The following GBF1 variants were observed in gnomAD, a reference collection of about 807,000 sequenced individuals.
GBF1 encodes Golgi-specific brefeldin A-resistance guanine nucleotide exchange factor 1.
Under a neutral mutation model 210.5 loss-of-function variants are expected in GBF1, and 114 were observed. The observed-to-expected ratio is 0.54, with a 90% CI of 0.47 to 0.63. The LOEUF is 0.63. Ranked by LOEUF, GBF1 falls within the 30% of genes least tolerant of loss-of-function variation. GBF1 has a pLI of 0.00. For missense variants in GBF1, 1,851 were observed against 2,357.7 expected, an observed-to-expected ratio of 0.79 and a Z score of 4.45; for synonymous variants, 850 against 889.2, an observed-to-expected ratio of 0.96 and a Z score of 0.78.
At chr10:102,333,631 C>T (rs1050392398) in intron 3 of GBF1, among the ~76,000 whole-genome samples, 9 of 152,160 alleles carry the variant, frequency 5.9e-5, no homozygotes, top group South Asian at 2.1e-4. Flanking sequence ...CTCACTATGT[C>T]GCCCAGGCTG....
chr10:102,266,860 A>G (rs907391479), intron 3 of GBF1, among the ~76,000 whole-genome samples: 6 of 152,202 alleles, frequency 3.9e-5, no homozygotes, highest in Non-Finnish European at 7.4e-5. Context: ...TGCCAGGAGA[A>G]AGTGGATGTG....
chr10:102,300,658 T>A (rs1181851199), intron 3 of GBF1, among the ~76,000 whole-genome samples: 1 of 152,222 alleles, frequency 6.6e-6, no homozygotes, highest in Non-Finnish European at 1.5e-5. Flanking sequence ...GAAAGGGGAA[T>A]GTTTGTGGTT....
intron 8 of GBF1, among the ~76,000 whole-genome samples, chr10:102,354,351 G>A (rs537981358): frequency 2.6e-5 from 4 of 152,190 alleles, no homozygotes; most frequent in South Asian, 2.1e-4. Context: ...TAAATCGTGC[G>A]TTTGCCTGTC....
the GBF1 span, among the ~76,000 whole-genome samples, chr10:102,235,166 T>TCCCCCCCCCCCCCCCCC: frequency 1.2e-4 from 7 of 59,034 alleles, no homozygotes; most frequent in Admixed American, 1.6e-4. Flanking sequence ...TTATTACCCT[T>TCCCCCCCCCCCCCCCCC]CCCCCACCCC....
At chr10:102,294,641 G>A (rs1352281002) in intron 3 of GBF1, among the ~76,000 whole-genome samples, 1 of 152,054 alleles carries the variant, frequency 6.6e-6, no homozygotes, top group Non-Finnish European at 1.5e-5. Context: ...CTCCCAAAGT[G>A]CTGGGATTAC....
At position 102,381,176 on chromosome 10, in the gene GBF1, C is replaced by A; in HGVS notation, c.5223C>A (p.His1741Gln). Residue 1741 changes from histidine to glutamine, a missense_variant, in exon 39 of 40, where the codon CAC becomes CAA. Around this residue, in one of 3 missense-constraint regions of GBF1, gnomAD observed 967 missense variants for 1,247.7 expected, o/e 0.78. Transcript: ENST00000369983. Reference sequence around the variant, plus strand: ...GCCAAAAGCCTCTCGCCTCAGCCCACCTGACTTCCGCTGCTGGCGACACTA... The same window carrying A: ...GCCAAAAGCCTCTCGCCTCAGCCCAACTGACTTCCGCTGCTGGCGACACTA... Reference protein sequence around the residue: ...PQGQKPLASAHLTSAAGDTRT... With the variant: ...PQGQKPLASAQLTSAAGDTRT... 6.2e-7 allele frequency: 1 copy of A among 1,614,002 alleles called. No individual in the cohort carries two copies. Among genetic ancestry groups the A allele is most frequent in the South Asian group, 1.1e-5 (1 of 91,080 alleles).
At chr10:102,231,141 G>A in the GBF1 span, 12 of 1,474,650 alleles carry the variant, frequency 8.1e-6, no homozygotes, top group Admixed American at 1.9e-4. Context: ...CCCGGGGCCG[G>A]GTCCCAGCGG....
rs370045381 is a variant in GBF1, at chr10:102,360,264, C to T, written c.1261C>T (p.Arg421Cys). The T allele has an allele frequency of 8.1e-6, 13 of 1,613,032 alleles. No homozygotes were observed. The highest frequency in any genetic ancestry group is 3.3e-4 in the Middle Eastern group (2 of 6,080). Residue 421 changes from arginine to cysteine, a missense_variant, in exon 12 of 40, where the codon CGC becomes TGC. Coordinates refer to ENST00000369983, the MANE Select transcript of GBF1 (RefSeq NM_001377137.1). The part of the protein sequence containing the change: ...FLISLTNPHD[R>C]HNSEVMIHMG... ...CATCTCCCTCACCAATCCACACGAC[C>T]GCCATAACTCAGAGGTTATGATTCA...
At chr10:102,285,150 ATTTTACAGG>A (rs2075833333) in intron 3 of GBF1, among the ~76,000 whole-genome samples, 1 of 152,176 alleles carries the variant, frequency 6.6e-6, no homozygotes, top group South Asian at 2.1e-4. Context: ...GATTTTACAG[ATTTTACAGG>A]TTGCCTAGAC....
In GBF1 at chr10:102,352,508, C is replaced by A. The variant is rs746983792; in HGVS notation, c.574C>A (p.Leu192Ile). Residue 192 changes from leucine to isoleucine, a missense_variant, in exon 7 of 40, where the codon CTC becomes ATC. Physicochemically the swap from Leu to Ile is conservative, Grantham distance 5. Coordinates refer to ENST00000369983, the MANE Select transcript of GBF1 (RefSeq NM_001377137.1). ...CACTCTCGTAGACATGGTGCAGCTG[C>A]TCTTCACAAGGTAAACCTGCTGCTG... is the stretch of plus-strand genomic sequence containing the variant. ...EHTLVDMVQL[L>I]FTRLPQFKEE... 4.3e-6 allele frequency: 7 copies of A among 1,609,906 alleles called. No individual in the cohort carries two copies. In the East Asian group the frequency reaches 1.6e-4, roughly 36 times the overall value.
At chr10:102,259,759 C>G (rs2072949378) in intron 2 of GBF1, among the ~76,000 whole-genome samples, 2 of 152,066 alleles carry the variant, frequency 1.3e-5, no homozygotes, top group Admixed American at 1.3e-4. Flanking sequence ...GGAGAGAAGA[C>G]AGAATAATAC....
At chr10:102,339,571 G>T (rs2058029907) in intron 3 of GBF1, among the ~76,000 whole-genome samples, 1 of 150,056 alleles carries the variant, frequency 6.7e-6, no homozygotes, top group Non-Finnish European at 1.5e-5. Context: ...GGAGGCTGAG[G>T]CAGGAGAATC....
intron 8 of GBF1, among the ~76,000 whole-genome samples, chr10:102,357,227 C>G (rs1303779559): frequency 6.6e-6 from 1 of 152,148 alleles, no homozygotes; most frequent in Admixed American, 6.5e-5. Flanking sequence ...TGGCTCACAC[C>G]TGTAATCCCA....
chr10:102,301,630 T>C (rs1481776540), intron 3 of GBF1, among the ~76,000 whole-genome samples: 2 of 138,522 alleles, frequency 1.4e-5, no homozygotes, highest in Non-Finnish European at 1.5e-5. Flanking sequence ...CCAGACGGGG[T>C]CGCGGCCGGG....
At chr10:102,358,313 C>A in intron 9 of GBF1, 127 bp downstream of exon 9, 3 of 935,220 alleles carry the variant, frequency 3.2e-6, no homozygotes, top group Non-Finnish European at 4.9e-6. Flanking sequence ...AAAAGGGAAA[C>A]TCCAGGTCAA....
Position 102,369,786 on chromosome 10 carries a change from A to T in GBF1, c.3215+11A>T, listed in dbSNP as rs1465520665. ...GACACCATCAAACCGGTAAGAGCAG[A>T]CCAGAGGCTCAGGGGCTTGGGGAGG... is the stretch of plus-strand genomic sequence containing the variant. On this transcript the variant is annotated intron_variant, in intron 25 of 39. Coordinates refer to ENST00000369983, the MANE Select transcript of GBF1 (RefSeq NM_001377137.1). 1 of 1,614,036 alleles carries T rather than the reference A, an allele frequency of 6.2e-7. No individual in the cohort carries two copies. Among genetic ancestry groups the T allele is most frequent in the African/African-American group, 1.3e-5 (1 of 74,930 alleles).
At chr10:102,266,691 A>C (rs918482214) in intron 3 of GBF1, among the ~76,000 whole-genome samples, 1 of 152,202 alleles carries the variant, frequency 6.6e-6, no homozygotes, top group Non-Finnish European at 1.5e-5. Context: ...ATATTTGCTT[A>C]TTTGGCTTTC....
chr10:102,333,208 C>T (rs2134355364), intron 3 of GBF1, among the ~76,000 whole-genome samples: 1 of 152,294 alleles, frequency 6.6e-6, no homozygotes, highest in East Asian at 1.9e-4. Flanking sequence ...TTCTTTATTT[C>T]ATATCTCCTG....
At chr10:102,323,220 A>G (rs1205483003) in intron 3 of GBF1, among the ~76,000 whole-genome samples, 1 of 133,942 alleles carries the variant, frequency 7.5e-6, no homozygotes, top group Non-Finnish European at 1.6e-5. Flanking sequence ...TGTACATGGC[A>G]GTTTAGATCT....
Sources: gnomAD v4.1 joint callset for allele counts (sites outside exome capture counted in the v4.1 genomes callset) on GRCh38, gnomAD v4.1.1 for gene constraint, gnomAD v4.1.1 regional missense constraint, MANE v1.5 for transcripts, NCBI Gene and HGNC (gene_info 2026-07-23, HGNC 2026-07-21) for gene names.